The following MARCHF1 variants were observed in gnomAD, a reference collection of about 807,000 sequenced individuals.
MARCHF1 encodes the protein E3 ubiquitin-protein ligase MARCHF1.
MARCHF1 carries 40 observed loss-of-function variants against 54.2 expected under a neutral mutation model. That is an observed-to-expected ratio of 0.74 (90% CI 0.57 to 0.96). The LOEUF (loss-of-function observed/expected upper bound fraction) is 0.96, where lower values mean the gene tolerates loss of function less well. Ranked by LOEUF, MARCHF1 falls within the 40% of genes least tolerant of loss-of-function variation. The pLI is 0.00. For synonymous variants in MARCHF1, 236 were observed against 236.3 expected, an observed-to-expected ratio of 1.00 and a Z score of 0.01; for missense variants, 586 against 656.5, an observed-to-expected ratio of 0.89 and a Z score of 1.17.
At chr4:163,538,601 A>G (rs1738615840) in intron 9 of MARCHF1, among the ~76,000 whole-genome samples, 1 of 152,220 alleles carries the variant, frequency 6.6e-6, no homozygotes, top group African/African-American at 2.4e-5. Flanking sequence ...GATTTCTCTT[A>G]TTAAGGTTAA....
Position 163,984,435 on chromosome 4 carries a change from C to T in MARCHF1, c.-39+4066G>A, listed in dbSNP as rs1398889690. Among the ~76,000 whole-genome samples the T allele has an allele frequency of 2.0e-5, 3 of 152,030 alleles. No homozygotes were observed. In the East Asian group the frequency reaches 5.8e-4, roughly 29 times the overall value. On this transcript the variant is annotated intron_variant, in intron 3 of 9. Transcript: ENST00000514618. ...ATGTTTTGTTTTTCCCTCTTAAGTC[C>T]CTCCCATCATCTAAGGTATAGACTC...
intron 2 of MARCHF1, among the ~76,000 whole-genome samples, chr4:164,099,206 G>C (rs1185451306): frequency 6.6e-6 from 1 of 152,100 alleles, no homozygotes; most frequent in Middle Eastern, 3.2e-3. Context: ...TCAAAAATGG[G>C]ATACAATCAG....
At chr4:163,753,728 G>A (rs1047315591) in intron 4 of MARCHF1, among the ~76,000 whole-genome samples, 4 of 152,144 alleles carry the variant, frequency 2.6e-5, no homozygotes, top group African/African-American at 7.2e-5. Flanking sequence ...GAGCAAGCAA[G>A]GTAGTTTTCT....
intron 5 of MARCHF1, among the ~76,000 whole-genome samples, chr4:163,671,641 T>A (rs996944649): frequency 6.6e-6 from 1 of 152,220 alleles, no homozygotes; most frequent in Non-Finnish European, 1.5e-5. Context: ...TAATTCCTTA[T>A]GCTATATTTT....
At chr4:163,988,037 A>G (rs1560850019) in intron 3 of MARCHF1, among the ~76,000 whole-genome samples, 1 of 152,200 alleles carries the variant, frequency 6.6e-6, no homozygotes, top group East Asian at 1.9e-4. Context: ...AACTCATGTT[A>G]TGTATTCAGT....
At chr4:163,724,518 C>A (rs921436171) in intron 4 of MARCHF1, among the ~76,000 whole-genome samples, 3 of 152,142 alleles carry the variant, frequency 2.0e-5, no homozygotes, top group African/African-American at 7.2e-5. Context: ...CTGGGAGAAC[C>A]ACTACTCTCT....
intron 3 of MARCHF1, among the ~76,000 whole-genome samples, chr4:163,969,321 C>T (rs965882755): frequency 6.6e-6 from 1 of 151,996 alleles, no homozygotes; most frequent in Non-Finnish European, 1.5e-5. Context: ...CTGTATGTTC[C>T]CTGTGGCATT....
chr4:163,928,695 A>G (rs947300849), intron 3 of MARCHF1, among the ~76,000 whole-genome samples: 3 of 152,040 alleles, frequency 2.0e-5, no homozygotes, highest in South Asian at 2.1e-4. Flanking sequence ...TTATGTATCA[A>G]TATTATAAAG....
At position 163,585,937 on chromosome 4, in the gene MARCHF1, A is replaced by G. The variant is rs761467091; in HGVS notation, c.1011-8T>C. The stretch of plus-strand genomic sequence containing the variant: ...CCTTCGCAGTGACAGATTCTGCAGA[A>G]AGACACAGCAGCCAGTATGAGATCT... On this transcript the variant is annotated splice_region_variant and splice_polypyrimidine_tract_variant and intron_variant, in intron 7 of 9. Coordinates refer to ENST00000514618, the MANE Select transcript of MARCHF1 (RefSeq NM_001394959.1). 6.3e-7 allele frequency: 1 copy of G among 1,597,020 alleles called. No homozygotes were observed. The highest frequency in any genetic ancestry group is 1.7e-5 in the Admixed American group (1 of 57,594).
chr4:163,576,672 G>T (rs1422645731), intron 8 of MARCHF1, among the ~76,000 whole-genome samples: 1 of 151,954 alleles, frequency 6.6e-6, no homozygotes, highest in African/African-American at 2.4e-5. Flanking sequence ...CTATTATTGT[G>T]TGGCTAAGTC....
chr4:164,198,684 G>T (rs1731353454), intron 1 of MARCHF1, among the ~76,000 whole-genome samples: 1 of 152,172 alleles, frequency 6.6e-6, no homozygotes. Context: ...TTGTGTCTGA[G>T]CCGTAATTCC....
At chr4:163,882,647 T>C (rs576585897) in intron 3 of MARCHF1, among the ~76,000 whole-genome samples, 1 of 152,314 alleles carries the variant, frequency 6.6e-6, no homozygotes, top group East Asian at 1.9e-4. Context: ...CACTTTAAAA[T>C]TTTAATGTTG....
At chr4:163,674,052 T>C (rs1357260534) in intron 5 of MARCHF1, among the ~76,000 whole-genome samples, 1 of 152,206 alleles carries the variant, frequency 6.6e-6, no homozygotes, top group Non-Finnish European at 1.5e-5. Context: ...AGGAGGCCCC[T>C]AGTGATCTTT....
chr4:163,954,692 G>A (rs1051389741), intron 3 of MARCHF1, among the ~76,000 whole-genome samples: 14 of 152,192 alleles, frequency 9.2e-5, no homozygotes, highest in African/African-American at 3.1e-4. Flanking sequence ...TCTAAAATTT[G>A]AATGTGTTTA....
chr4:163,975,618 T>C (rs1363208774), intron 3 of MARCHF1, among the ~76,000 whole-genome samples: 2 of 152,176 alleles, frequency 1.3e-5, no homozygotes, highest in Non-Finnish European at 1.5e-5. Flanking sequence ...AATCAAGGGA[T>C]TGGCTTTATG....
chr4:164,280,968 A>T (rs1245324884), intron 1 of MARCHF1, among the ~76,000 whole-genome samples: 1 of 152,174 alleles, frequency 6.6e-6, no homozygotes, highest in Non-Finnish European at 1.5e-5. Flanking sequence ...TTAGGGAATG[A>T]AGAGAGGACT....
chr4:163,977,795 C>T (rs1394405621), intron 3 of MARCHF1, among the ~76,000 whole-genome samples: 1 of 152,116 alleles, frequency 6.6e-6, no homozygotes, highest in African/African-American at 2.4e-5. Context: ...TCTAAGCACT[C>T]AGATATTCAC....
chr4:164,374,377 G>T (rs2110967801), intron 1 of MARCHF1, among the ~76,000 whole-genome samples: 1 of 152,146 alleles, frequency 6.6e-6, no homozygotes, highest in African/African-American at 2.4e-5. Context: ...GGGACAAAAA[G>T]CTAACGATAG....
intron 1 of MARCHF1, among the ~76,000 whole-genome samples, chr4:164,214,695 G>A (rs1731878124): frequency 1.3e-5 from 2 of 152,232 alleles, no homozygotes; most frequent in South Asian, 4.1e-4. Context: ...TCTTTGGTAA[G>A]CAAAATATTT....
Sources: allele counts gnomAD v4.1 joint callset (sites outside exome capture counted in the v4.1 genomes callset), GRCh38; gene constraint gnomAD v4.1.1; transcripts MANE v1.5; gene names NCBI Gene and HGNC (gene_info 2026-07-23, HGNC 2026-07-21).